NUP210L: variants seen among roughly 807,000 people sequenced by gnomAD.
The protein encoded by NUP210L is nuclear pore membrane glycoprotein 210-like.
In NUP210L, 74 loss-of-function variants were observed where a neutral mutation model predicts 208.5. That is an observed-to-expected ratio of 0.35 (90% CI 0.29 to 0.43). The LOEUF is 0.43. Among genes scored for constraint, NUP210L ranks in the 20% least tolerant of loss-of-function variants. The pLI is 1.00. For missense variants in NUP210L, 1,843 were observed against 2,289.4 expected (o/e 0.81, Z 3.98); for synonymous variants, 780 against 816.9 (o/e 0.95, Z 0.77).
chr1:154,113,857 CAAAAA>C (rs11298820), intron 12 of NUP210L, among the ~76,000 whole-genome samples: 1 of 40,678 alleles, frequency 2.5e-5, no homozygotes. Context: ...GACTCCATCT[CAAAAA>C]AAAAAAAAAA....
intron 37 of NUP210L, 130 bp downstream of exon 37, chr1:154,000,726 A>T: frequency 1.3e-6 from 1 of 748,810 alleles, no homozygotes; most frequent in Non-Finnish European, 2.2e-6. Flanking sequence ...GGAGTTTTTC[A>T]TTTATTTTTG....
At chr1:154,024,811 C>T (rs553452424) in intron 30 of NUP210L, among the ~76,000 whole-genome samples, 2 of 151,164 alleles carry the variant, frequency 1.3e-5, no homozygotes, top group East Asian at 2.0e-4. Flanking sequence ...GGCTTACAGG[C>T]GTGAGTCACC....
rs1487542010 is a variant in NUP210L, at chr1:154,024,929, T to TG, written c.4122+612_4122+613insC. On this transcript the variant is annotated intron_variant, in intron 30 of 39. Transcript: ENST00000368559. Reference sequence around the variant, plus strand: ...ATAAATTTAGGCTGATCTGTTTTTTTTTTTTTTTTTTTTTTTTTGAGATGG... The same window carrying TG: ...ATAAATTTAGGCTGATCTGTTTTTTTGTTTTTTTTTTTTTTTTTTGAGATGG... Among the ~76,000 whole-genome samples, 852 of 139,642 alleles carry TG rather than the reference T, an allele frequency of 6.1e-3. 12 individuals are homozygous for TG. The highest frequency in any genetic ancestry group is 0.022 in the African/African-American group (817 of 37,042). The allele number at this position is 139,642 out of a possible 152,430, so 91.6% of individuals were successfully genotyped here. A position where few individuals can be genotyped will look rare whatever the true frequency, so the allele number is the denominator to read the frequency against.
At chr1:154,006,827 T>TATATATATATATATGTATATATATAA (rs1339883779) in intron 35 of NUP210L, among the ~76,000 whole-genome samples, 56 of 137,094 alleles carry the variant, frequency 4.1e-4, no homozygotes, top group Non-Finnish European at 7.4e-4. Flanking sequence ...CATATATATA[T>TATATATATATATATGTATATATATAA]ATATATATAT....
At chr1:154,115,256 C>A (rs190635907) in intron 12 of NUP210L, among the ~76,000 whole-genome samples, 11 of 152,276 alleles carry the variant, frequency 7.2e-5, no homozygotes, top group Admixed American at 5.2e-4. Flanking sequence ...TGTATTGGTT[C>A]CCCATTGTCT....
intron 35 of NUP210L, among the ~76,000 whole-genome samples, chr1:154,004,222 C>T (rs1289465104): frequency 1.3e-5 from 2 of 151,240 alleles, no homozygotes; most frequent in Non-Finnish European, 2.9e-5. Context: ...GTGCCCACCA[C>T]CACGCCCGGC....
chr1:154,114,097 C>T (rs1056264523), intron 12 of NUP210L, among the ~76,000 whole-genome samples: 2 of 150,284 alleles, frequency 1.3e-5, no homozygotes, highest in Admixed American at 6.7e-5. Flanking sequence ...GAGCCAAGAT[C>T]GCACCACTGC....
intron 27 of NUP210L, among the ~76,000 whole-genome samples, chr1:154,036,409 G>A (rs1250996731): frequency 7.2e-6 from 1 of 138,978 alleles, no homozygotes; most frequent in Non-Finnish European, 1.5e-5. Context: ...TTGTTGCCCA[G>A]GCTGGAGTGC....
chr1:154,100,292 AT>A, intron 13 of NUP210L, 149 bp from the exon 14 acceptor site: 1 of 653,748 alleles, frequency 1.5e-6, no homozygotes. Flanking sequence ...TCTACAAAAT[AT>A]TTAAAAAATT....
At chr1:154,129,995 C>A (rs896336931) in intron 7 of NUP210L, among the ~76,000 whole-genome samples, 8 of 152,020 alleles carry the variant, frequency 5.3e-5, no homozygotes, top group Non-Finnish European at 1.2e-4. Context: ...GCTTTGTTCT[C>A]AAAAATATAC....
intron 34 of NUP210L, among the ~76,000 whole-genome samples, chr1:154,011,937 C>T (rs529909892): frequency 1.3e-4 from 20 of 151,676 alleles, no homozygotes; most frequent in Admixed American, 2.0e-4. Context: ...CTTGAACTCC[C>T]GACCTCAGGT....
At chr1:154,134,553 C>T (rs1353369248) in intron 7 of NUP210L, among the ~76,000 whole-genome samples, 2 of 149,810 alleles carry the variant, frequency 1.3e-5, no homozygotes, top group Non-Finnish European at 3.0e-5. Flanking sequence ...CTGGCTAACA[C>T]AGTGAAACCC....
chr1:154,100,326 C>G (rs1656395686), intron 13 of NUP210L, among the ~76,000 whole-genome samples, 183 bp from the exon 14 acceptor site: 1 of 151,494 alleles, frequency 6.6e-6, no homozygotes, highest in Non-Finnish European at 1.5e-5. Flanking sequence ...TGGCGTGCAC[C>G]TGTAGTCCCA....
intron 23 of NUP210L, among the ~76,000 whole-genome samples, chr1:154,055,756 T>A (rs574838654): frequency 6.6e-6 from 1 of 152,294 alleles, no homozygotes; most frequent in South Asian, 2.1e-4. Flanking sequence ...CACACAAAGA[T>A]ATGTAATTTT....
exon 6 of NUP210L, chr1:154,138,201 T>G: frequency 6.5e-7 from 1 of 1,541,238 alleles, no homozygotes; most frequent in Non-Finnish European, 8.6e-7. Flanking sequence ...AAATATATTC[T>G]CCAAAACAAG....
chr1:154,056,770 T>G (rs753111749), intron 23 of NUP210L, 45 bp downstream of exon 23: 1 of 1,531,812 alleles, frequency 6.5e-7, no homozygotes. Context: ...ACAAATGATG[T>G]TAAGCAAGAA....
intron 32 of NUP210L, 97 bp downstream of exon 32, chr1:154,022,029 C>A: frequency 9.1e-7 from 1 of 1,103,572 alleles, no homozygotes; most frequent in Non-Finnish European, 1.4e-6. Context: ...ACCACTATAC[C>A]AGTCCAAGGG....
chr1:154,113,021 G>A (rs999693823), intron 12 of NUP210L, among the ~76,000 whole-genome samples: 1 of 151,486 alleles, frequency 6.6e-6, no homozygotes, highest in Non-Finnish European at 1.5e-5. Flanking sequence ...ACTGGGCATG[G>A]TGATGCATGC....
intron 7 of NUP210L, among the ~76,000 whole-genome samples, chr1:154,135,236 A>C (rs1658473872): frequency 6.6e-6 from 1 of 152,096 alleles, no homozygotes; most frequent in African/African-American, 2.4e-5. Context: ...CCATTCCCCT[A>C]ATTACAGTTT....
Sources: gnomAD v4.1 joint callset for allele counts (sites outside exome capture counted in the v4.1 genomes callset) on GRCh38, gnomAD v4.1.1 for gene constraint, MANE v1.5 for transcripts, NCBI Gene and HGNC (gene_info 2026-07-23, HGNC 2026-07-21) for gene names.